FBXW11: variants seen among roughly 807,000 people sequenced by gnomAD.
The protein encoded by FBXW11 is F-box/WD repeat-containing protein 11.
Under a neutral mutation model 77.6 loss-of-function variants are expected in FBXW11, and 19 were observed. The ratio of observed to expected loss-of-function variants is 0.24; its 90% CI spans 0.17 to 0.36. The LOEUF (loss-of-function observed/expected upper bound fraction) is 0.36. Among genes scored for constraint, FBXW11 ranks in the 10% least tolerant of loss-of-function variants. The pLI is 1.00. For missense variants in FBXW11, 334 were observed against 704.2 expected (o/e 0.47, Z 5.95); for synonymous variants, 235 against 249.4 (o/e 0.94, Z 0.54).
intron 1 of FBXW11, among the ~76,000 whole-genome samples, chr5:171,961,626 A>G (rs1763914028): frequency 6.6e-6 from 1 of 151,156 alleles, no homozygotes. Flanking sequence ...ATTAAATTAC[A>G]GCTAGGACCA....
chr5:171,988,247 C>T (rs1765548970), intron 1 of FBXW11, among the ~76,000 whole-genome samples: 1 of 152,116 alleles, frequency 6.6e-6, no homozygotes, highest in South Asian at 2.1e-4. Context: ...AGAACCAGAG[C>T]CTTGGAGAAA....
intron 2 of FBXW11, among the ~76,000 whole-genome samples, chr5:171,930,080 A>G (rs1467177374): frequency 1.3e-5 from 2 of 152,216 alleles, no homozygotes; most frequent in Non-Finnish European, 2.9e-5. Flanking sequence ...TGCAGAATAA[A>G]AAAAGAAGGA....
chr5:171,989,954 T>C (rs13357236), intron 1 of FBXW11, among the ~76,000 whole-genome samples: 20,990 of 152,218 alleles, frequency 0.14, 2,721 homozygotes, highest in African/African-American at 0.34. Flanking sequence ...ATGCATGTAA[T>C]GGTTTGAGAC....
chr5:171,969,794 C>G (rs565030903), intron 1 of FBXW11, among the ~76,000 whole-genome samples: 2 of 152,270 alleles, frequency 1.3e-5, no homozygotes, highest in East Asian at 3.9e-4. Context: ...CTCTGCCTCC[C>G]AGGTTCAAGT....
intron 2 of FBXW11, among the ~76,000 whole-genome samples, chr5:171,924,772 C>CA (rs1561688986): frequency 2.1e-4 from 30 of 139,832 alleles, no homozygotes. Context: ...CCCACCCCCC[C>CA]ACCCCCGCTG....
chr5:171,979,634 G>A (rs959061119), intron 1 of FBXW11, among the ~76,000 whole-genome samples: 4 of 152,070 alleles, frequency 2.6e-5, no homozygotes, highest in African/African-American at 7.2e-5. Flanking sequence ...GGGGAAAAAC[G>A]AACTTTGATC....
chr5:171,970,638 G>C (rs1448883803), intron 1 of FBXW11, among the ~76,000 whole-genome samples: 1 of 152,164 alleles, frequency 6.6e-6, no homozygotes, highest in Non-Finnish European at 1.5e-5. Flanking sequence ...CAAGTTAGTA[G>C]TGTTTTAATT....
At chr5:171,927,259 C>T (rs572122298) in intron 2 of FBXW11, among the ~76,000 whole-genome samples, 1 of 152,314 alleles carries the variant, frequency 6.6e-6, no homozygotes, top group Admixed American at 6.5e-5. Context: ...GGTGATGATG[C>T]ATCACTGGAC....
intron 7 of FBXW11, among the ~76,000 whole-genome samples, chr5:171,879,336 GTTTA>G (rs1758350893): frequency 6.6e-6 from 1 of 152,164 alleles, no homozygotes; most frequent in African/African-American, 2.4e-5. Context: ...ATGTACTACA[GTTTA>G]TTTATCCATT....
intron 2 of FBXW11, among the ~76,000 whole-genome samples, 183 bp from the exon 3 acceptor site, chr5:171,914,588 T>TA (rs751197043): frequency 6.6e-6 from 1 of 152,074 alleles, no homozygotes; most frequent in Non-Finnish European, 1.5e-5. Flanking sequence ...CATAAATCGA[T>TA]AAAGTTAGTG....
chr5:171,991,182 G>A (rs755512840), intron 1 of FBXW11, among the ~76,000 whole-genome samples: 10 of 152,102 alleles, frequency 6.6e-5, no homozygotes, highest in Middle Eastern at 3.4e-3. Context: ...AAAATTTGTC[G>A]AGTATTGATT....
chr5:171,965,528 A>T (rs1699897775), intron 1 of FBXW11, among the ~76,000 whole-genome samples: 1 of 147,376 alleles, frequency 6.8e-6, no homozygotes, highest in African/African-American at 2.6e-5. Context: ...TCTTGTCTTT[A>T]AAAATAAAAA....
chr5:171,891,428 C>T (rs560792961), intron 7 of FBXW11, 39 bp downstream of exon 7: 41 of 1,545,662 alleles, frequency 2.7e-5, no homozygotes, highest in South Asian at 1.8e-4. Context: ...CACATAGCCA[C>T]GATTCTAAAA....
chr5:171,981,906 C>G (rs1343974277), intron 1 of FBXW11, among the ~76,000 whole-genome samples: 3 of 152,100 alleles, frequency 2.0e-5, no homozygotes, highest in Non-Finnish European at 2.9e-5. Flanking sequence ...ATAAGTCAAA[C>G]ATAATAGAGT....
intron 1 of FBXW11, chr5:172,003,235 G>T (rs1280263381): frequency 6.6e-6 from 1 of 152,128 alleles, no homozygotes; most frequent in Non-Finnish European, 1.5e-5. Context: ...AATTTCTGCT[G>T]GCTTCTTACA....
At chr5:171,922,098 G>C (rs1098019) in intron 2 of FBXW11, among the ~76,000 whole-genome samples, 128,837 of 148,810 alleles carry the variant, frequency 0.87, 56,922 homozygotes, top group East Asian at 1. Flanking sequence ...GGGAGGGAGG[G>C]AGGGGCTTGA....
intron 2 of FBXW11, among the ~76,000 whole-genome samples, chr5:171,930,754 T>TA (rs1300857997): frequency 0.047 from 1,498 of 31,938 alleles, 9 homozygotes; most frequent in African/African-American, 0.067. Context: ...AAATAAAAAA[T>TA]AAAAAAATAA....
intron 1 of FBXW11, among the ~76,000 whole-genome samples, chr5:171,959,046 C>G (rs1018551353): frequency 1.3e-5 from 2 of 150,432 alleles, no homozygotes; most frequent in African/African-American, 4.9e-5. Context: ...GACCTGGGTT[C>G]CTATCTAGTA....
intron 1 of FBXW11, among the ~76,000 whole-genome samples, chr5:172,004,558 T>C (rs1766611033): frequency 6.6e-6 from 1 of 152,226 alleles, no homozygotes. Flanking sequence ...GTATTTCTTA[T>C]AATTCTTTTG....
Sources: allele counts gnomAD v4.1 joint callset (sites outside exome capture counted in the v4.1 genomes callset), GRCh38; gene constraint gnomAD v4.1.1; transcripts MANE v1.5; gene names NCBI Gene and HGNC (gene_info 2026-07-23, HGNC 2026-07-21).